The following PLD1 variants were observed in gnomAD, a reference collection of about 807,000 sequenced individuals.
PLD1 encodes the protein choline phosphatase 1.
In PLD1, 112 loss-of-function variants were observed where a neutral mutation model predicts 137.1. The ratio of observed to expected loss-of-function variants is 0.82; its 90% CI spans 0.70 to 0.96. The LOEUF (loss-of-function observed/expected upper bound fraction) is 0.96. Among genes scored for constraint, PLD1 ranks in the 40% least tolerant of loss-of-function variants. The pLI, the probability that PLD1 is intolerant of heterozygous loss-of-function variation, is 0.00. For missense variants in PLD1, 1,321 were observed against 1,342.0 expected, an observed-to-expected ratio of 0.98 and a Z score of 0.24; for synonymous variants, 431 against 454.7, an observed-to-expected ratio of 0.95 and a Z score of 0.66.
intron 1 of PLD1, among the ~76,000 whole-genome samples, chr3:171,748,366 T>C (rs1037642429): frequency 1.3e-5 from 2 of 152,176 alleles, no homozygotes; most frequent in African/African-American, 4.8e-5. Flanking sequence ...AAAATTAACA[T>C]CCTTGGATGT....
At chr3:171,756,780 A>C (rs946504635) in intron 1 of PLD1, among the ~76,000 whole-genome samples, 1 of 152,178 alleles carries the variant, frequency 6.6e-6, no homozygotes, top group Non-Finnish European at 1.5e-5. Context: ...AAGAAATGTT[A>C]ATACAGAGGA....
chr3:171,626,866 T>C (rs1578135417), intron 23 of PLD1, among the ~76,000 whole-genome samples: 2 of 152,272 alleles, frequency 1.3e-5, no homozygotes, highest in African/African-American at 4.8e-5. Context: ...TAAACATGGA[T>C]AGGAACAGCT....
chr3:171,613,512 C>T (rs972484603), intron 24 of PLD1, among the ~76,000 whole-genome samples: 2 of 152,222 alleles, frequency 1.3e-5, no homozygotes. Context: ...AGAGTACCTT[C>T]ATAATTAATA....
intron 23 of PLD1, among the ~76,000 whole-genome samples, chr3:171,642,056 T>G (rs1415229377): frequency 6.6e-6 from 1 of 152,126 alleles, no homozygotes; most frequent in Non-Finnish European, 1.5e-5. Flanking sequence ...TAGAGCAATA[T>G]TGAGTGCCCA....
chr3:171,663,562 G>A (rs1023919430), intron 19 of PLD1, among the ~76,000 whole-genome samples: 6 of 152,176 alleles, frequency 3.9e-5, no homozygotes, highest in African/African-American at 1.4e-4. Context: ...GCTGTGGCAG[G>A]TCATGTCAGG....
intron 23 of PLD1, among the ~76,000 whole-genome samples, chr3:171,632,313 A>C (rs932141398): frequency 1.3e-5 from 2 of 152,148 alleles, no homozygotes; most frequent in African/African-American, 4.8e-5. Flanking sequence ...ATTAAAGGAA[A>C]ATAAAGACAT....
chr3:171,656,220 G>C (rs1012620603), intron 21 of PLD1, among the ~76,000 whole-genome samples: 1 of 143,788 alleles, frequency 7.0e-6, no homozygotes, highest in Non-Finnish European at 1.5e-5. Flanking sequence ...ACCCAGGCTG[G>C]AGTGCAATGG....
intron 1 of PLD1, among the ~76,000 whole-genome samples, chr3:171,757,862 G>C (rs545730104): frequency 6.6e-6 from 1 of 152,158 alleles, no homozygotes; most frequent in East Asian, 1.9e-4. Flanking sequence ...TCAGCACATG[G>C]CTTTTACTTA....
rs145467003 is a variant in PLD1, at chr3:171,724,878, A to G, written c.666-90T>C. On this transcript the variant is annotated intron_variant, in intron 7 of 26. Coordinates refer to ENST00000351298, the MANE Select transcript of PLD1 (RefSeq NM_002662.5). The stretch of plus-strand genomic sequence containing the variant: ...CTCCCAACATGGGACTAAATAAACC[A>G]TCTCATTCTCACATGACTTTCCTCC... 19 of 795,740 alleles carry G rather than the reference A, an allele frequency of 2.4e-5. No homozygotes were observed. The East Asian group carries it at 2.9e-4, about 12-fold the overall frequency. 49.3% of individuals were successfully genotyped at this position (795,740 alleles called of 1,614,324 possible).
intron 1 of PLD1, among the ~76,000 whole-genome samples, chr3:171,806,412 T>C (rs1723850527): frequency 6.6e-6 from 1 of 152,244 alleles, no homozygotes; most frequent in South Asian, 2.1e-4. Flanking sequence ...ATTTGTATGA[T>C]TCTCTTTGTA....
At chr3:171,766,130 TA>T (rs1721961686) in intron 1 of PLD1, among the ~76,000 whole-genome samples, 1 of 152,192 alleles carries the variant, frequency 6.6e-6, no homozygotes, top group African/African-American at 2.4e-5. Flanking sequence ...ATTTTTATTA[TA>T]AAAATGATAA....
At chr3:171,639,593 ATATTCATAT>A (rs1735504916) in intron 23 of PLD1, among the ~76,000 whole-genome samples, 1 of 94,450 alleles carries the variant, frequency 1.1e-5, no homozygotes, top group Non-Finnish European at 1.9e-5. Context: ...CATATAATAT[ATATTCATAT>A]AATATATATT....
chr3:171,809,943 C>T (rs1439065598), intron 1 of PLD1: 2 of 152,442 alleles, frequency 1.3e-5, no homozygotes, highest in South Asian at 4.1e-4. Flanking sequence ...CCTTGGGACG[C>T]GGCACTTCCT....
chr3:171,694,344 A>G (rs1715487196), intron 12 of PLD1, among the ~76,000 whole-genome samples: 3 of 152,136 alleles, frequency 2.0e-5, no homozygotes, highest in Admixed American at 2.0e-4. Flanking sequence ...TATTACAATC[A>G]AGAATATAAA....
chr3:171,689,465 A>G (rs998042733), intron 13 of PLD1, among the ~76,000 whole-genome samples: 13 of 151,662 alleles, frequency 8.6e-5, no homozygotes, highest in African/African-American at 1.5e-4. Flanking sequence ...TTTGGCAACT[A>G]CTTTCCTCTT....
Position 171,663,743 on chromosome 3 carries a change from C to T in PLD1, c.2230-1573G>A, listed in dbSNP as rs538583419. Among the ~76,000 whole-genome samples the T allele has an allele frequency of 1.8e-4, 28 of 152,238 alleles. No individual in the cohort carries two copies. The South Asian group carries it at 5.8e-3, about 32-fold the overall frequency. On this transcript the variant is annotated intron_variant, in intron 19 of 26. Coordinates refer to ENST00000351298, the MANE Select transcript of PLD1 (RefSeq NM_002662.5). ...GGTGCTTAAACAATAGCATGACACA[C>T]AGAAGAATTAGTATAAAAATAATAC...
chr3:171,732,010 A>G (rs1253325901), intron 6 of PLD1, among the ~76,000 whole-genome samples: 1 of 152,218 alleles, frequency 6.6e-6, no homozygotes, highest in African/African-American at 2.4e-5. Flanking sequence ...AAAGAGAAGA[A>G]TGAACTCACC....
At chr3:171,621,283 C>T (rs1022514175) in intron 23 of PLD1, among the ~76,000 whole-genome samples, 58 of 152,160 alleles carry the variant, frequency 3.8e-4, no homozygotes, top group African/African-American at 1.2e-3. Context: ...TAATCATGAC[C>T]CCTGTTGTGA....
At chr3:171,764,390 C>T (rs764761102) in intron 1 of PLD1, among the ~76,000 whole-genome samples, 12 of 152,046 alleles carry the variant, frequency 7.9e-5, no homozygotes, top group Non-Finnish European at 1.5e-4. Context: ...TTACAAGAAC[C>T]CTCTAAGGTA....
Sources: allele counts gnomAD v4.1 joint callset (sites outside exome capture counted in the v4.1 genomes callset), GRCh38; gene constraint gnomAD v4.1.1; transcripts MANE v1.5; gene names NCBI Gene and HGNC (gene_info 2026-07-23, HGNC 2026-07-21).